CTNNA2: variants seen among roughly 807,000 people sequenced by gnomAD.
The protein encoded by CTNNA2 is catenin alpha-2.
In CTNNA2, 42 loss-of-function variants were observed where a neutral mutation model predicts 101.0. The observed-to-expected ratio is 0.42, with a 90% CI of 0.32 to 0.54. The LOEUF is 0.54. Among genes scored for constraint, CTNNA2 ranks in the 20% least tolerant of loss-of-function variants. CTNNA2 has a pLI of 0.14. For missense variants in CTNNA2, 871 were observed against 1,223.1 expected, an observed-to-expected ratio of 0.71 and a Z score of 4.29; for synonymous variants, 450 against 456.4, an observed-to-expected ratio of 0.99 and a Z score of 0.18.
chr2:79,351,868 G>A (rs1388106553), intron 3 of CTNNA2, among the ~76,000 whole-genome samples: 1 of 152,088 alleles, frequency 6.6e-6, no homozygotes, highest in Non-Finnish European at 1.5e-5. Flanking sequence ...CCATGTCTTT[G>A]CTATTGTGAA....
chr2:80,530,689 G>C (rs543097220), intron 9 of CTNNA2, among the ~76,000 whole-genome samples: 1 of 152,146 alleles, frequency 6.6e-6, no homozygotes, highest in Non-Finnish European at 1.5e-5. Flanking sequence ...ATCAGAGATG[G>C]TGCTGCAATA....
At chr2:80,418,172 T>G in intron 8 of CTNNA2, among the ~76,000 whole-genome samples, 1 of 152,152 alleles carries the variant, frequency 6.6e-6, no homozygotes, top group South Asian at 2.1e-4. Context: ...CCTTCAGACC[T>G]TCTTACCCTA....
At chr2:79,402,398 C>T (rs890263863) in intron 4 of CTNNA2, among the ~76,000 whole-genome samples, 1 of 151,812 alleles carries the variant, frequency 6.6e-6, no homozygotes, top group African/African-American at 2.4e-5. Flanking sequence ...TGTCTCAAGA[C>T]TCCCAGTGGT....
At chr2:79,229,822 G>A (rs1946644) in intron 2 of CTNNA2, among the ~76,000 whole-genome samples, 1 of 150,272 alleles carries the variant, frequency 6.7e-6, no homozygotes, top group African/African-American at 2.4e-5. Context: ...TGGAATCAGA[G>A]AGAAATGAGG....
At chr2:80,289,247 T>A (rs775013654) in intron 7 of CTNNA2, 2 of 152,148 alleles carry the variant, frequency 1.3e-5, no homozygotes, top group Non-Finnish European at 2.9e-5. Context: ...GGCAGTCACC[T>A]GAGGCAAGTG....
At chr2:80,379,048 G>A (rs1406145152) in intron 7 of CTNNA2, among the ~76,000 whole-genome samples, 1 of 151,988 alleles carries the variant, frequency 6.6e-6, no homozygotes, top group African/African-American at 2.4e-5. Context: ...CTTGAGGGCT[G>A]GGGCATAATT....
At chr2:79,207,475 G>A (rs1674114877) in intron 2 of CTNNA2, among the ~76,000 whole-genome samples, 1 of 152,142 alleles carries the variant, frequency 6.6e-6, no homozygotes. Context: ...TTTCTGAAAA[G>A]TTGCAGCCAC....
chr2:80,646,032 A>T (rs1674047986), intron 18 of CTNNA2, among the ~76,000 whole-genome samples: 1 of 152,168 alleles, frequency 6.6e-6, no homozygotes, highest in Non-Finnish European at 1.5e-5. Context: ...AACAAAAAGC[A>T]GCCAAAGGAA....
At chr2:80,628,643 T>C (rs1486495554) in intron 18 of CTNNA2, among the ~76,000 whole-genome samples, 2 of 152,088 alleles carry the variant, frequency 1.3e-5, no homozygotes, top group Non-Finnish European at 2.9e-5. Flanking sequence ...ATTTAGTTGT[T>C]CCGCAAACAG....
At chr2:79,770,455 T>C (rs560468503) in intron 3 of CTNNA2, among the ~76,000 whole-genome samples, 1 of 152,290 alleles carries the variant, frequency 6.6e-6, no homozygotes, top group South Asian at 2.1e-4. Context: ...ATGAAAGTAA[T>C]AATCTTTGTA....
At chr2:80,043,547 G>A (rs1696321299) in intron 7 of CTNNA2, among the ~76,000 whole-genome samples, 1 of 152,092 alleles carries the variant, frequency 6.6e-6, no homozygotes, top group South Asian at 2.1e-4. Context: ...TCTGAATATA[G>A]ATCAAACCTA....
chr2:80,559,891 T>TATATATATACACACAC (rs1553387588), intron 12 of CTNNA2, among the ~76,000 whole-genome samples: 1 of 146,818 alleles, frequency 6.8e-6, no homozygotes, highest in African/African-American at 2.6e-5. Flanking sequence ...TATATATATA[T>TATATATATACACACAC]ACACACACAT....
chr2:80,333,346 T>C (rs1312678649), intron 7 of CTNNA2, among the ~76,000 whole-genome samples: 1 of 152,200 alleles, frequency 6.6e-6, no homozygotes, highest in East Asian at 1.9e-4. Context: ...GATCCTGCGT[T>C]GGGCTTTGTG....
chr2:79,678,202 T>A (rs1683315369), intron 2 of CTNNA2, among the ~76,000 whole-genome samples: 1 of 152,176 alleles, frequency 6.6e-6, no homozygotes, highest in South Asian at 2.1e-4. Flanking sequence ...CGACTCCTAA[T>A]TTTAATGCTC....
intron 7 of CTNNA2, among the ~76,000 whole-genome samples, chr2:80,014,206 T>C (rs1693978668): frequency 6.6e-6 from 1 of 152,176 alleles, no homozygotes; most frequent in South Asian, 2.1e-4. Context: ...TTAATTCTTT[T>C]AATAATCATT....
Position 79,766,232 on chromosome 2 carries a change from G to T in CTNNA2, c.298+21650G>T, listed in dbSNP as rs1673146794. ...CAGGTCTGGTGTTAATGCGGTCCGT[G>T]AGCTTTTGTCTGTCTGGAAAATTCT... On this transcript the variant is annotated intron_variant, in intron 3 of 18. Transcript: ENST00000402739. Among the ~76,000 whole-genome samples, 3 of 152,280 alleles carry T rather than the reference G, an allele frequency of 2.0e-5. No individual in the cohort carries two copies. The South Asian group carries it at 6.2e-4, about 32-fold the overall frequency.
chr2:79,720,704 A>G (rs1030858437), intron 2 of CTNNA2, among the ~76,000 whole-genome samples: 6 of 152,136 alleles, frequency 3.9e-5, no homozygotes, highest in Non-Finnish European at 8.8e-5. Flanking sequence ...CCATTGGTAT[A>G]TAGAAATGCT....
At chr2:80,227,908 T>C (rs1004065011) in intron 7 of CTNNA2, among the ~76,000 whole-genome samples, 37 of 151,964 alleles carry the variant, frequency 2.4e-4, no homozygotes, top group Non-Finnish European at 8.8e-5. Flanking sequence ...TAAGTTATTG[T>C]GTGATCTAGA....
At chr2:80,109,522 G>T (rs1701086365) in intron 7 of CTNNA2, among the ~76,000 whole-genome samples, 1 of 152,110 alleles carries the variant, frequency 6.6e-6, no homozygotes, top group African/African-American at 2.4e-5. Context: ...GATAGCCTCT[G>T]TCATACAGAG....
Sources: gnomAD v4.1 joint callset for allele counts (sites outside exome capture counted in the v4.1 genomes callset) on GRCh38, gnomAD v4.1.1 for gene constraint, MANE v1.5 for transcripts, NCBI Gene and HGNC (gene_info 2026-07-23, HGNC 2026-07-21) for gene names.